Variants in FMNL3 observed in about 807,000 individuals in gnomAD.
The protein encoded by FMNL3 is formin like 3, also known as formin-like protein 3.
In FMNL3, 57 loss-of-function variants were observed where a neutral mutation model predicts 119.6. That is an observed-to-expected ratio of 0.48 (90% CI 0.39 to 0.59). FMNL3 has a LOEUF of 0.59. FMNL3 is among the 20% of genes least tolerant of loss of function. FMNL3 has a pLI of 0.00. For missense variants in FMNL3, 1,053 were observed against 1,323.5 expected (o/e 0.80, Z 3.17); for synonymous variants, 491 against 507.3 (o/e 0.97, Z 0.43).
rs1209886313 is a variant in FMNL3 at position 49,668,572 on chromosome 12, G to A, written c.127-18C>T. On this transcript the variant is annotated intron_variant, in intron 1 of 25. Transcript: ENST00000335154. ...ATGGAGCTCTGAGGAGAGAACCTGA[G>A]TCAACAAGGCTGAAACCTCCCCTCA... 1 of 1,612,418 alleles carries A rather than the reference G, an allele frequency of 6.2e-7. No homozygotes were observed. Among genetic ancestry groups the A allele is most frequent in the Non-Finnish European group, 8.5e-7 (1 of 1,178,640 alleles).
chr12:49,650,474 A>C (rs747996941), intron 17 of FMNL3, among the ~76,000 whole-genome samples: 1 of 152,160 alleles, frequency 6.6e-6, no homozygotes, highest in African/African-American at 2.4e-5. Flanking sequence ...ACTGTTCCCA[A>C]TAGACTGAGA....
At chr12:49,655,925 C>G (rs1943554532) in intron 9 of FMNL3, among the ~76,000 whole-genome samples, 2 of 152,156 alleles carry the variant, frequency 1.3e-5, no homozygotes, top group African/African-American at 4.8e-5. Flanking sequence ...TTCCTTCTCC[C>G]CTCACCAATA....
At chr12:49,657,232 C>A (rs1313357513) in intron 6 of FMNL3, 42 bp from the exon 7 acceptor site, 3 of 1,489,812 alleles carry the variant, frequency 2.0e-6, no homozygotes, top group African/African-American at 2.8e-5. Flanking sequence ...GCTGAGGCTG[C>A]CAGTGAAGCA....
intron 1 of FMNL3, among the ~76,000 whole-genome samples, chr12:49,682,073 T>G (rs974484774): frequency 1.5e-5 from 2 of 136,126 alleles, no homozygotes; most frequent in African/African-American, 5.5e-5. Flanking sequence ...AATTTCAACC[T>G]TTTTTTTTTT....
At position 49,646,996 on chromosome 12, in the gene FMNL3, C is replaced by T. The variant is rs765718600; in HGVS notation, c.2885G>A (p.Arg962Gln). 2.0e-5 allele frequency: 32 copies of T among 1,612,480 alleles called. No homozygotes were observed. In the East Asian group the frequency reaches 3.1e-4, roughly 16 times the overall value. The change falls in exon 25 of 26, where the codon CGG (arginine) becomes CAG (glutamine). Residue 962 changes from arginine to glutamine, a missense_variant. Arg to Gln is a conservative substitution (Grantham distance 43). Around this residue, in one of 4 missense-constraint regions of FMNL3, gnomAD observed 324 missense variants for 380.9 expected, o/e 0.85. Transcript: ENST00000335154. Reference sequence around the variant, plus strand: ...TAACTCCTGCTGTTGCCACTTGTTCCGCTGGGATGGGGTCTAGGGCCAAGA... The same window carrying T: ...TAACTCCTGCTGTTGCCACTTGTTCTGCTGGGATGGGGTCTAGGGCCAAGA... ...KKLDAKTPSQ[R>Q]NKWQQQELIA...
chr12:49,657,564 G>A (rs1943609401), intron 6 of FMNL3, among the ~76,000 whole-genome samples: 1 of 152,168 alleles, frequency 6.6e-6, no homozygotes, highest in African/African-American at 2.4e-5. Flanking sequence ...TGCACAATCT[G>A]TGGGACAAGA....
intron 21 of FMNL3, among the ~76,000 whole-genome samples, chr12:49,648,698 C>G (rs1943294375): frequency 6.6e-6 from 1 of 152,208 alleles, no homozygotes; most frequent in South Asian, 2.1e-4. Flanking sequence ...TGATTTTTTT[C>G]TAAGCACTTC....
intron 4 of FMNL3, 84 bp downstream of exon 4, chr12:49,665,748 C>T: frequency 7.2e-7 from 1 of 1,389,346 alleles, no homozygotes; most frequent in Non-Finnish European, 1.0e-6. Flanking sequence ...AACAGGAACA[C>T]CATCCTCAGA....
intron 1 of FMNL3, among the ~76,000 whole-genome samples, chr12:49,694,878 C>T (rs1007610767): frequency 1.3e-5 from 2 of 151,988 alleles, no homozygotes; most frequent in Non-Finnish European, 2.9e-5. Flanking sequence ...CGCCACTGCA[C>T]TCCAGCCTGG....
At position 49,685,582 on chromosome 12, in the gene FMNL3, G is replaced by A. The variant is rs148815486; in HGVS notation, c.127-17028C>T. 8.7e-4 allele frequency among the ~76,000 whole-genome samples: 133 copies of A among 152,294 alleles called. 1 individual carries two copies. Among genetic ancestry groups the A allele is most frequent in the African/African-American group, 2.9e-3 (120 of 41,560 alleles). On this transcript the variant is annotated intron_variant, in intron 1 of 25. Coordinates refer to ENST00000335154, the MANE Select transcript of FMNL3 (RefSeq NM_175736.5). ...TGGAGGTCCCTAAAGCCTGTGGAAA[G>A]GTCATGACTAGGCCAACATTATTGA... is the stretch of plus-strand genomic sequence containing the variant.
Position 49,637,323 on chromosome 12 carries a change from G to C in FMNL3, c.*8492C>G, listed in dbSNP as rs1230428088. ...TTGCATTGTTCTCAGCCTTCCATCT[G>C]CATCTCTTCATCTCTGCCTCTCTTG... On this transcript the variant is annotated 3_prime_UTR_variant, in exon 26 of 26. Coordinates refer to ENST00000335154, the MANE Select transcript of FMNL3 (RefSeq NM_175736.5). 6.4e-6 allele frequency: 4 copies of C among 621,614 alleles called. No homozygotes were observed. Among genetic ancestry groups the C allele is most frequent in the Non-Finnish European group, 1.2e-5 (4 of 347,328 alleles). 38.5% of individuals were successfully genotyped at this position (621,614 alleles called of 1,614,324 possible).
rs1379053409 is a variant in FMNL3, at chr12:49,653,454, G to T, written c.1222-127C>A. On this transcript the variant is annotated intron_variant, in intron 12 of 25. Transcript: ENST00000335154. ...GCCACAAAGGCAGCTTAGTCAGGTGGTTCCCTTATATTCCAATAACAGATA... is the reference window on the plus strand; with the variant it reads ...GCCACAAAGGCAGCTTAGTCAGGTGTTTCCCTTATATTCCAATAACAGATA... 5.0e-6 allele frequency: 5 copies of T among 992,148 alleles called. No individual in the cohort carries two copies. The East Asian group carries it at 9.5e-5, about 19-fold the overall frequency. 61.5% of individuals were successfully genotyped at this position (992,148 alleles called of 1,614,324 possible).
chr12:49,640,663 T>G lies in FMNL3; in HGVS notation c.*5152A>C, dbSNP rs1942509384. 1 of 152,214 alleles carries G rather than the reference T, an allele frequency of 6.6e-6. No homozygotes were observed. The highest frequency in any genetic ancestry group is 1.5e-5 in the Non-Finnish European group (1 of 68,034). The allele number at this position is 152,214 out of a possible 1,614,324, so 9.4% of individuals were successfully genotyped here. ...CTGAGCCTGTTTGCTCACCTGTAAA[T>G]CAGGGATAATTCATAGGTAAGGTTG... On this transcript the variant is annotated 3_prime_UTR_variant, in exon 26 of 26. Coordinates refer to ENST00000335154, the MANE Select transcript of FMNL3 (RefSeq NM_175736.5).
chr12:49,653,175 G>A, intron 13 of FMNL3, 51 bp downstream of exon 13: 1 of 1,539,734 alleles, frequency 6.5e-7, no homozygotes, highest in Non-Finnish European at 9.0e-7. Flanking sequence ...GAACCCCAAG[G>A]CGCTGGAGCC....
chr12:49,646,741 A>G, intron 25 of FMNL3, 145 bp downstream of exon 25: 2 of 1,581,800 alleles, frequency 1.3e-6, no homozygotes, highest in Non-Finnish European at 1.7e-6. Flanking sequence ...CGTGAAAGGG[A>G]CACTCTTCAG....
chr12:49,657,930 C>G (rs928389949), intron 6 of FMNL3, among the ~76,000 whole-genome samples: 1 of 152,094 alleles, frequency 6.6e-6, no homozygotes, highest in African/African-American at 2.4e-5. Context: ...CTTAAGACAC[C>G]GCAGACAAAT....
At chr12:49,698,988 C>G (rs748616230) in intron 1 of FMNL3, among the ~76,000 whole-genome samples, 1 of 152,102 alleles carries the variant, frequency 6.6e-6, no homozygotes, top group African/African-American at 2.4e-5. Flanking sequence ...CTGACAGGAC[C>G]GTCCCCTCCT....
intron 21 of FMNL3, among the ~76,000 whole-genome samples, 194 bp downstream of exon 21, chr12:49,648,835 G>A (rs536794308): frequency 5.3e-5 from 8 of 152,378 alleles, no homozygotes; most frequent in African/African-American, 1.9e-4. Context: ...GGCTGGGCCA[G>A]GCCTGGCGCC....
chr12:49,666,260 G>T (rs1477644752), intron 2 of FMNL3, 53 bp from the exon 3 acceptor site: 5 of 1,483,308 alleles, frequency 3.4e-6, no homozygotes, highest in Non-Finnish European at 4.7e-6. Flanking sequence ...GAGACCTGAG[G>T]AGGGCACTGA....
Sources: gnomAD v4.1 joint callset for allele counts (sites outside exome capture counted in the v4.1 genomes callset) on GRCh38, gnomAD v4.1.1 for gene constraint, gnomAD v4.1.1 regional missense constraint, MANE v1.5 for transcripts, NCBI Gene and HGNC (gene_info 2026-07-23, HGNC 2026-07-21) for gene names.